Variants in FBN3 observed in about 807,000 individuals in gnomAD.
FBN3 encodes the protein fibrillin-3.
FBN3 carries 234 observed loss-of-function variants against 330.1 expected under a neutral mutation model. The ratio of observed to expected loss-of-function variants is 0.71; its 90% confidence interval spans 0.64 to 0.79. The LOEUF is 0.79. Among genes scored for constraint, FBN3 ranks in the 30% least tolerant of loss-of-function variants. The pLI, the probability that FBN3 is intolerant of heterozygous loss-of-function variation, is 0.00. For missense variants in FBN3, 3,606 were observed against 3,886.9 expected (o/e 0.93, Z 1.92); for synonymous variants, 1,458 against 1,517.3 (o/e 0.96, Z 0.91).
chr19:8,095,855 T>C, intron 45 of FBN3, 109 bp downstream of exon 45: 3 of 682,224 alleles, frequency 4.4e-6, no homozygotes, highest in Non-Finnish European at 5.2e-6. Flanking sequence ...ATTTAATTTC[T>C]AAATAATCGG....
chr19:8,147,076 C>G, intron 3 of FBN3, 28 bp downstream of exon 3: 1 of 1,538,188 alleles, frequency 6.5e-7, no homozygotes, highest in African/African-American at 1.4e-5. Context: ...CCTGTGCCCC[C>G]CCACCTCCAG....
intron 27 of FBN3, 72 bp from the exon 28 acceptor site, chr19:8,117,363 G>T: frequency 6.5e-7 from 1 of 1,538,644 alleles, no homozygotes; most frequent in Non-Finnish European, 8.8e-7. Flanking sequence ...GCTGGTTTGG[G>T]GGTGGGAGCA....
intron 41 of FBN3, among the ~76,000 whole-genome samples, chr19:8,097,926 A>G (rs1432173426): frequency 1.3e-5 from 2 of 152,254 alleles, no homozygotes; most frequent in Admixed American, 6.5e-5. Context: ...GGAAATGTCC[A>G]GAAGTAGCAA....
intron 13 of FBN3, 25 bp downstream of exon 13, chr19:8,135,936 G>GGGGGGGGGGGGGGGGCC: frequency 1.2e-4 from 83 of 668,738 alleles, no homozygotes; most frequent in Non-Finnish European, 1.8e-4. Flanking sequence ...GGAAGCCCCT[G>GGGGGGGGGGGGGGGGCC]CCCACCCGCC....
At position 8,131,597 on chromosome 19, in the gene FBN3, G is replaced by A. The variant is rs773667851; in HGVS notation, c.1947C>T (p.His649=). ...KSECCCANPD[H]GFGEPCQLCP... is the part of the protein sequence containing the mutation. ...AAAGCTGGCAGGGCTCCCCAAAACCGTGGTCCGGATTGGCACAGCAGCACT... is the reference window on the plus strand; with the variant it reads ...AAAGCTGGCAGGGCTCCCCAAAACCATGGTCCGGATTGGCACAGCAGCACT... Residue 649 remains histidine, a synonymous_variant, in exon 15 of 64, where the codon CAC becomes CAT. Transcript: ENST00000600128. This position sits in a 1 kb window ranked among gnomAD's most constrained non-coding sequence, Gnocchi z 4.5. The A allele has an allele frequency of 1.4e-5, 22 of 1,613,450 alleles. No homozygotes were observed. Among genetic ancestry groups the A allele is most frequent in the African/African-American group, 9.3e-5 (7 of 74,936 alleles).
chr19:8,072,302 T>A, intron 62 of FBN3, 104 bp from the exon 63 acceptor site: 1 of 1,235,668 alleles, frequency 8.1e-7, no homozygotes, highest in South Asian at 1.5e-5. Context: ...ATGCTGCAAA[T>A]GCCCACGCAC....
rs1472260736 is a variant in FBN3 at position 8,143,492 on chromosome 19, C to CTTTT, written c.542-1359_542-1356dup. ...TGTGTCCGTTCTCCTTTTTTCTTTT[C>CTTTT]TTTTCTTTTTTTTTTTTTTTTTGAG... is the stretch of plus-strand genomic sequence containing the variant. On this transcript the variant is annotated intron_variant, in intron 6 of 63. Transcript: ENST00000600128. 2.9e-4 allele frequency among the ~76,000 whole-genome samples: 36 copies of CTTTT among 122,828 alleles called. 1 individual carries two copies. The highest frequency in any genetic ancestry group is 1.2e-3 in the African/African-American group (35 of 29,656). The allele number at this position is 122,828 out of a possible 152,430, so 80.6% of individuals were successfully genotyped here.
chr19:8,095,484 G>A lies in FBN3; in HGVS notation c.5676C>T (p.Thr1892=), dbSNP rs369070724. 6.2e-7 allele frequency: 1 copy of A among 1,613,504 alleles called. No homozygotes were observed. The highest frequency in any genetic ancestry group is 1.3e-5 in the African/African-American group (1 of 74,886). The part of the protein sequence containing the change: ...GDCVDFDECT[T]LVGQVCRFGH... ...CAAATCGGCACACCTGCCCCACCAG[G>A]GTAGTACACTCATCAAAATCTGTAG... The change falls in exon 46 of 64, where the codon ACC becomes ACT. Residue 1892 remains threonine (T), a synonymous_variant. Coordinates refer to ENST00000600128, the MANE Select transcript of FBN3 (RefSeq NM_032447.5).
intron 25 of FBN3, among the ~76,000 whole-genome samples, chr19:8,120,165 C>CTT (rs34799960): frequency 0.041 from 5,242 of 127,864 alleles, 311 homozygotes; most frequent in African/African-American, 0.14. Context: ...TTCTTTCTTT[C>CTT]TTTTTTTTTT....
chr19:8,081,021 G>C lies in FBN3; in HGVS notation c.7435C>G (p.His2479Asp), dbSNP rs1025549092. 1.2e-6 allele frequency: 2 copies of C among 1,612,172 alleles called. No homozygotes were observed. The highest frequency in any genetic ancestry group is 1.7e-5 in the Admixed American group (1 of 59,998). The change falls in exon 59 of 64, where the codon CAC becomes GAC. Residue 2479 changes from histidine to aspartate, a missense_variant. Coordinates refer to ENST00000600128, the MANE Select transcript of FBN3 (RefSeq NM_032447.5). Reference sequence around the variant, plus strand: ...CACTCACCGAAGCAGGCCTGGTGGTGCTGGGTGAAGCCGGGCGGACAGCGG... The same window carrying C: ...CACTCACCGAAGCAGGCCTGGTGGTCCTGGGTGAAGCCGGGCGGACAGCGG... ...TCRCPPGFTQHHQACFDNDEC... is the reference protein window; with the variant it reads ...TCRCPPGFTQDHQACFDNDEC...
At position 8,121,535 on chromosome 19, in the gene FBN3, G is replaced by A. The variant is rs2082850542; in HGVS notation, c.3083-149C>T. ...AGGCACAGGCCAAGAGGGGAGGCAT[G>A]ATGCAGGCATGATGGGGTGCCGTAT... On this transcript the variant is annotated intron_variant, in intron 24 of 63. Coordinates refer to ENST00000600128, the MANE Select transcript of FBN3 (RefSeq NM_032447.5). This position sits in a 1 kb window ranked among gnomAD's most constrained non-coding sequence, Gnocchi z 4.5. 1 of 702,564 alleles carries A rather than the reference G, an allele frequency of 1.4e-6. No homozygotes were observed. Among genetic ancestry groups the A allele is most frequent in the Non-Finnish European group, 2.2e-6 (1 of 454,816 alleles). The allele number at this position is 702,564 out of a possible 1,614,324, so 43.5% of individuals were successfully genotyped here. A position where few individuals can be genotyped will look rare whatever the true frequency, so the allele number is the denominator to read the frequency against.
Position 8,096,345 on chromosome 19 carries a change from T to C in FBN3, c.5539+99A>G. On this transcript the variant is annotated intron_variant, in intron 44 of 63. Transcript: ENST00000600128. The surrounding 1 kb of genome is among the most constrained non-coding windows in gnomAD (Gnocchi z 4.6). ...TCTCAGGACCCAAACTTGGATCTCTTTGTGAACTAGGATGGACAGAAACAC... is the reference window on the plus strand; with the variant it reads ...TCTCAGGACCCAAACTTGGATCTCTCTGTGAACTAGGATGGACAGAAACAC... 33 of 1,436,510 alleles carry C rather than the reference T, an allele frequency of 2.3e-5. No individual in the cohort carries two copies. Among genetic ancestry groups the C allele is most frequent in the Non-Finnish European group, 2.9e-5 (31 of 1,067,736 alleles). The allele number at this position is 1,436,510 out of a possible 1,614,324, so 89.0% of individuals were successfully genotyped here. A position where few individuals can be genotyped will look rare whatever the true frequency, so the allele number is the denominator to read the frequency against.
At chr19:8,135,936 G>GGGGGCCCCCCCCCCCCCCCCCCCC in intron 13 of FBN3, 25 bp downstream of exon 13, 1 of 668,778 alleles carries the variant, frequency 1.5e-6, no homozygotes, top group Non-Finnish European at 2.4e-6. Context: ...GGAAGCCCCT[G>GGGGGCCCCCCCCCCCCCCCCCCCC]CCCACCCGCC....
intron 27 of FBN3, 55 bp downstream of exon 27, chr19:8,117,409 C>T: frequency 3.2e-6 from 5 of 1,553,126 alleles, no homozygotes; most frequent in Non-Finnish European, 4.4e-6. Flanking sequence ...GGAGCTACCA[C>T]TATGTCTGGG....
chr19:8,100,867 G>A (rs1178238514), intron 41 of FBN3, 34 bp downstream of exon 41: 6 of 1,587,368 alleles, frequency 3.8e-6, no homozygotes, highest in African/African-American at 1.3e-5. Flanking sequence ...AGGTGGATGG[G>A]TGCCCAGGGA....
At chr19:8,091,268 G>A (rs1398189845) in intron 48 of FBN3, among the ~76,000 whole-genome samples, 197 bp downstream of exon 48, 1 of 152,206 alleles carries the variant, frequency 6.6e-6, no homozygotes, top group Non-Finnish European at 1.5e-5. Flanking sequence ...AATGGACCAG[G>A]TTAGCCCTCC....
At chr19:8,147,931 CG>C (rs200660865) in intron 1 of FBN3, among the ~76,000 whole-genome samples, 5 of 150,524 alleles carry the variant, frequency 3.3e-5, no homozygotes, top group East Asian at 3.9e-4. Context: ...AGCAGGGTCC[CG>C]GGGGGGAAAC....
Position 8,123,910 on chromosome 19 carries a change from C to T in FBN3, c.2830G>A (p.Gly944Arg), listed in dbSNP as rs766664580. 7 of 1,613,918 alleles carry T rather than the reference C, an allele frequency of 4.3e-6. No individual in the cohort carries two copies. Among genetic ancestry groups the T allele is most frequent in the Admixed American group, 1.7e-5 (1 of 59,998 alleles). The change falls in exon 23 of 64, where the codon GGG becomes AGG. Residue 944 changes from glycine to arginine, a missense_variant. By Grantham distance (125) the Gly-to-Arg change is moderately radical. Coordinates refer to ENST00000600128, the MANE Select transcript of FBN3 (RefSeq NM_032447.5). ...YRMDVCCCSI[G>R]AVWGVECEAC... ...TCGCACTCGACTCCCCACACGGCCC[C>T]GATGGAGCAGCAGCAGACGTCCATC...
At position 8,147,139 on chromosome 19, in the gene FBN3, C is replaced by T; in HGVS notation, c.215G>A (p.Trp72Ter). 1.9e-6 allele frequency: 3 copies of T among 1,571,844 alleles called. No homozygotes were observed. The highest frequency in any genetic ancestry group is 2.6e-6 in the Non-Finnish European group (3 of 1,160,098). The stretch of plus-strand genomic sequence containing the variant: ...CTGGCTCCTGCCAGGGAATGTCCTC[C>T]AGCCTGGACAGCAGTAGGCATGGAA... ...SRFHAYCCPG[W>*]RTFPGRSQCV... The change falls in exon 3 of 64, where the codon TGG (tryptophan) becomes TAG (stop). Residue 72 changes from tryptophan (W) to a stop codon, truncating the protein, a stop_gained. Transcript: ENST00000600128. LOFTEE classifies it high-confidence loss of function.
Sources: allele counts gnomAD v4.1 joint callset (sites outside exome capture counted in the v4.1 genomes callset), GRCh38; gene constraint gnomAD v4.1.1; non-coding constraint Gnocchi (gnomAD v3.1); transcripts MANE v1.5; gene names NCBI Gene and HGNC (gene_info 2026-07-23, HGNC 2026-07-21).